DSCAML1: variants seen among roughly 807,000 people sequenced by gnomAD.
DSCAML1 encodes cell adhesion molecule DSCAML1.
In DSCAML1, 38 loss-of-function variants were observed where a neutral mutation model predicts 200.5. The ratio of observed to expected loss-of-function variants is 0.19; its 90% CI spans 0.15 to 0.25. The LOEUF is 0.25. Among genes scored for constraint, DSCAML1 ranks in the 10% least tolerant of loss-of-function variants. The pLI, the probability that DSCAML1 is intolerant of heterozygous loss-of-function variation, is 1.00. For synonymous variants in DSCAML1, 1,215 were observed against 1,165.0 expected, an observed-to-expected ratio of 1.04 and a Z score of -0.87; for missense variants, 2,223 against 2,858.8, an observed-to-expected ratio of 0.78 and a Z score of 5.07.
At chr11:117,637,428 C>T (rs918158828) in intron 3 of DSCAML1, among the ~76,000 whole-genome samples, 2 of 151,666 alleles carry the variant, frequency 1.3e-5, no homozygotes, top group African/African-American at 4.9e-5. Flanking sequence ...TCACTGCAAC[C>T]TCAGCCTCCT....
chr11:117,445,246 A>G (rs2048153523), intron 20 of DSCAML1, among the ~76,000 whole-genome samples: 1 of 152,222 alleles, frequency 6.6e-6, no homozygotes, highest in Non-Finnish European at 1.5e-5. Context: ...GAAAAGGCAC[A>G]GGCATCTCTG....
At chr11:117,651,705 C>CT (rs2052634871) in intron 3 of DSCAML1, among the ~76,000 whole-genome samples, 1 of 98,198 alleles carries the variant, frequency 1.0e-5, no homozygotes, top group Non-Finnish European at 1.8e-5. Flanking sequence ...GAGCAAGACT[C>CT]TGTCTCAAAA....
Position 117,663,800 on chromosome 11 carries a change from GAA to G in DSCAML1, c.511+112989_511+112990del, listed in dbSNP as rs2052916317. Among the ~76,000 whole-genome samples, 5 of 152,146 alleles carry G rather than the reference GAA, an allele frequency of 3.3e-5. No homozygotes were observed. The South Asian group carries it at 1.0e-3, about 32-fold the overall frequency. ...GGGGCTGGGGGAGGAAGGTAAAAGA[GAA>G]AAAAGAAAGAAGGAAGGAAAACATA... On this transcript the variant is annotated intron_variant, in intron 3 of 32. Coordinates refer to ENST00000651296, the MANE Select transcript of DSCAML1 (RefSeq NM_020693.4).
intron 1 of DSCAML1, among the ~76,000 whole-genome samples, chr11:117,783,541 C>T (rs150301446): frequency 4.1e-4 from 63 of 152,196 alleles, no homozygotes; most frequent in Middle Eastern, 6.8e-3. Context: ...TTCTAGATAC[C>T]GTATTTATAT....
intron 28 of DSCAML1, 29 bp downstream of exon 28, chr11:117,433,412 G>A (rs960752421): frequency 6.2e-7 from 1 of 1,613,010 alleles, no homozygotes. Flanking sequence ...GAGAAGGGAG[G>A]AGAAAGGAAG....
intron 3 of DSCAML1, among the ~76,000 whole-genome samples, chr11:117,600,583 C>T (rs1458735214): frequency 6.6e-6 from 1 of 152,320 alleles, no homozygotes; most frequent in East Asian, 1.9e-4. Flanking sequence ...TGCTCCATTT[C>T]CTCCCCACCA....
At chr11:117,657,766 GA>G (rs769992928) in intron 3 of DSCAML1, among the ~76,000 whole-genome samples, 3 of 152,174 alleles carry the variant, frequency 2.0e-5, no homozygotes, top group Non-Finnish European at 4.4e-5. Flanking sequence ...GAGAGACTTG[GA>G]TTAGTGACCT....
At chr11:117,479,349 CTTTA>C (rs1458587645) in intron 14 of DSCAML1, among the ~76,000 whole-genome samples, 2 of 152,190 alleles carry the variant, frequency 1.3e-5, no homozygotes, top group Non-Finnish European at 2.9e-5. Context: ...GTTTTCTATG[CTTTA>C]TTTATAGTTT....
Position 117,437,274 on chromosome 11 carries a change from C to G in DSCAML1, c.4568G>C (p.Trp1523Ser). 1 of 1,614,258 alleles carries G rather than the reference C, an allele frequency of 6.2e-7. No individual in the cohort carries two copies. The highest frequency in any genetic ancestry group is 8.5e-7 in the Non-Finnish European group (1 of 1,180,056). ...GTTGGCCCGGAGGCCCTGCCAGGCC[C>G]AGGTCCCCTTGGGCCGGTACTCCAG... ...IVLEYRPKGTWAWQGLRANSS... is the reference protein window; with the variant it reads ...IVLEYRPKGTSAWQGLRANSS... Residue 1523 changes from tryptophan to serine, a missense_variant, in exon 26 of 33, where the codon TGG becomes TCG. Transcript: ENST00000651296. This position sits in a 1 kb window ranked among gnomAD's most constrained non-coding sequence, Gnocchi z 5.3.
intron 3 of DSCAML1, among the ~76,000 whole-genome samples, chr11:117,695,320 T>TC (rs1339489346): frequency 6.9e-6 from 1 of 144,928 alleles, no homozygotes; most frequent in African/African-American, 2.7e-5. Flanking sequence ...TTTTTCTTTT[T>TC]TTTTTTTTTT....
At chr11:117,492,144 T>TAA in intron 11 of DSCAML1, among the ~76,000 whole-genome samples, 1 of 152,258 alleles carries the variant, frequency 6.6e-6, no homozygotes, top group Admixed American at 6.5e-5. Context: ...AATTCTCACG[T>TAA]GGTTTGGAGA....
At chr11:117,562,349 C>T (rs929792378) in intron 3 of DSCAML1, among the ~76,000 whole-genome samples, 5 of 152,222 alleles carry the variant, frequency 3.3e-5, no homozygotes, top group African/African-American at 1.2e-4. Context: ...AGGGACTGGA[C>T]TCCAGGGCTC....
chr11:117,746,283 T>C (rs1413825600), intron 3 of DSCAML1, among the ~76,000 whole-genome samples: 1 of 151,388 alleles, frequency 6.6e-6, no homozygotes, highest in Non-Finnish European at 1.5e-5. Flanking sequence ...GAATTTTTAT[T>C]ATTATAATCC....
intron 3 of DSCAML1, among the ~76,000 whole-genome samples, chr11:117,743,022 T>C (rs1453743163): frequency 6.6e-6 from 1 of 151,820 alleles, no homozygotes; most frequent in South Asian, 2.1e-4. Flanking sequence ...CATCCATCCA[T>C]CCATCCACCC....
Position 117,739,296 on chromosome 11 carries a change from G to A in DSCAML1, c.511+37495C>T, listed in dbSNP as rs372474058. On this transcript the variant is annotated intron_variant, in intron 3 of 32. Transcript: ENST00000651296. ...TCTTGAAGGAGGGCCTGGCCCAGTA[G>A]CATCACCTGAGAGACTGTTAGAAAT... Among the ~76,000 whole-genome samples the A allele has an allele frequency of 2.0e-5, 3 of 152,284 alleles. No homozygotes were observed. The East Asian group carries it at 5.8e-4, about 29-fold the overall frequency.
At chr11:117,631,690 CTG>C (rs376799210) in intron 3 of DSCAML1, among the ~76,000 whole-genome samples, 1,700 of 150,002 alleles carry the variant, frequency 0.011, 10 homozygotes, top group African/African-American at 0.014. Flanking sequence ...GTGATTGTGC[CTG>C]TGTGTGTGTG....
intron 4 of DSCAML1, among the ~76,000 whole-genome samples, chr11:117,526,174 G>A (rs557128469): frequency 1.1e-3 from 169 of 152,250 alleles, no homozygotes; most frequent in African/African-American, 3.9e-3. Context: ...CCTGCCCCTG[G>A]GGGACCTCCT....
At chr11:117,789,900 C>T (rs1359242289) in intron 1 of DSCAML1, among the ~76,000 whole-genome samples, 1 of 152,150 alleles carries the variant, frequency 6.6e-6, no homozygotes, top group East Asian at 1.9e-4. Flanking sequence ...GCAGGAAGTG[C>T]TAGTGAAGAC....
intron 3 of DSCAML1, among the ~76,000 whole-genome samples, chr11:117,548,435 T>G (rs2050414679): frequency 6.6e-6 from 1 of 152,196 alleles, no homozygotes; most frequent in Admixed American, 6.5e-5. Flanking sequence ...CACCCTTCCC[T>G]GCACCCCAGC....
Sources: allele counts gnomAD v4.1 joint callset (sites outside exome capture counted in the v4.1 genomes callset), GRCh38; gene constraint gnomAD v4.1.1; non-coding constraint Gnocchi (gnomAD v3.1); transcripts MANE v1.5; gene names NCBI Gene and HGNC (gene_info 2026-07-23, HGNC 2026-07-21).